NRXN3: variants seen among roughly 807,000 people sequenced by gnomAD.
NRXN3 encodes the protein neurexin III.
Under a neutral mutation model 137.6 loss-of-function variants are expected in NRXN3, and 32 were observed. That is an observed-to-expected ratio of 0.23 (90% CI 0.18 to 0.31). The LOEUF is 0.31. NRXN3 is among the 10% of genes least tolerant of loss of function. The pLI is 1.00. For missense variants in NRXN3, 1,574 were observed against 2,062.5 expected (o/e 0.76, Z 4.59); for synonymous variants, 798 against 784.5 (o/e 1.02, Z -0.29).
intron 2 of NRXN3, among the ~76,000 whole-genome samples, chr14:78,252,778 A>G (rs1323863314): frequency 6.6e-6 from 1 of 152,208 alleles, no homozygotes; most frequent in Admixed American, 6.5e-5. Flanking sequence ...TGGAGAATAG[A>G]AAAAGTACAG....
At chr14:78,748,043 G>A (rs953094791) in intron 8 of NRXN3, among the ~76,000 whole-genome samples, 10 of 152,194 alleles carry the variant, frequency 6.6e-5, no homozygotes, top group African/African-American at 2.4e-4. Flanking sequence ...AGATACACAT[G>A]AGGGGTATTA....
At chr14:79,500,754 G>A (rs756658988) in intron 16 of NRXN3, among the ~76,000 whole-genome samples, 1 of 152,148 alleles carries the variant, frequency 6.6e-6, no homozygotes, top group Non-Finnish European at 1.5e-5. Flanking sequence ...TCAATCAGAT[G>A]CAGTCAAATG....
intron 15 of NRXN3, among the ~76,000 whole-genome samples, chr14:79,003,830 C>A (rs892278730): frequency 1.3e-5 from 2 of 152,066 alleles, no homozygotes; most frequent in Admixed American, 1.3e-4. Context: ...TTAGGGGATT[C>A]GACCAAAACC....
intron 15 of NRXN3, among the ~76,000 whole-genome samples, chr14:79,326,610 C>T (rs913705931): frequency 2.6e-5 from 4 of 152,140 alleles, no homozygotes; most frequent in Admixed American, 2.6e-4. Context: ...TATTGTGGGA[C>T]TCTGACCTTG....
chr14:78,261,847 T>C (rs2070778591), intron 2 of NRXN3, among the ~76,000 whole-genome samples: 1 of 152,168 alleles, frequency 6.6e-6, no homozygotes, highest in African/African-American at 2.4e-5. Flanking sequence ...GAAAAAAGAT[T>C]TTGGCTAAGG....
At chr14:79,470,951 AGTGT>A (rs371413883) in intron 16 of NRXN3, among the ~76,000 whole-genome samples, 24,711 of 115,486 alleles carry the variant, frequency 0.21, 2,262 homozygotes, top group East Asian at 0.31. Flanking sequence ...AGAGAGAGAG[AGTGT>A]GTGTGTGTGT....
At chr14:79,833,192 T>C (rs1180513068) in intron 20 of NRXN3, among the ~76,000 whole-genome samples, 1 of 152,182 alleles carries the variant, frequency 6.6e-6, no homozygotes, top group Non-Finnish European at 1.5e-5. Context: ...GGGTTCATTT[T>C]ACTGGTGCTG....
chr14:79,161,786 C>A (rs911454034), intron 15 of NRXN3, among the ~76,000 whole-genome samples: 1 of 151,894 alleles, frequency 6.6e-6, no homozygotes. Flanking sequence ...TGTCCGTCGT[C>A]CTGAACGGGT....
At chr14:78,218,073 A>G (rs2063475146) in intron 1 of NRXN3, among the ~76,000 whole-genome samples, 1 of 152,204 alleles carries the variant, frequency 6.6e-6, no homozygotes, top group Non-Finnish European at 1.5e-5. Flanking sequence ...ATGTATGTGT[A>G]TATAATATAC....
intron 4 of NRXN3, among the ~76,000 whole-genome samples, chr14:78,435,578 CT>C (rs2094036669): frequency 6.6e-6 from 1 of 152,168 alleles, no homozygotes; most frequent in Admixed American, 6.5e-5. Flanking sequence ...AATAAATGTT[CT>C]GTGAAAACAA....
At chr14:78,695,868 T>C (rs1273674571) in intron 6 of NRXN3, 1 of 152,020 alleles carries the variant, frequency 6.6e-6, no homozygotes, top group Non-Finnish European at 1.5e-5. Context: ...CCATGCAAGG[T>C]TAGAGCAGGG....
At chr14:79,591,529 A>G (rs1300191053) in intron 16 of NRXN3, among the ~76,000 whole-genome samples, 1 of 152,238 alleles carries the variant, frequency 6.6e-6, no homozygotes, top group African/African-American at 2.4e-5. Context: ...GAAAAAGTCA[A>G]AAAGAAAACT....
At chr14:78,574,348 T>C (rs1387361222) in intron 4 of NRXN3, among the ~76,000 whole-genome samples, 3 of 152,168 alleles carry the variant, frequency 2.0e-5, no homozygotes, top group African/African-American at 7.2e-5. Flanking sequence ...TTCAGAATGG[T>C]AGATTCTCTA....
chr14:79,846,694 T>C (rs1426585953), intron 20 of NRXN3, among the ~76,000 whole-genome samples: 1 of 152,220 alleles, frequency 6.6e-6, no homozygotes, highest in East Asian at 1.9e-4. Context: ...TACTGTACCC[T>C]ACGCAGATTT....
intron 6 of NRXN3, among the ~76,000 whole-genome samples, chr14:78,672,439 C>A (rs766862592): frequency 3.3e-5 from 5 of 152,238 alleles, no homozygotes; most frequent in Admixed American, 3.3e-4. Context: ...GAATTGATTA[C>A]TTCTGGTCAT....
intron 20 of NRXN3, among the ~76,000 whole-genome samples, chr14:79,811,199 T>C (rs1238743708): frequency 6.6e-6 from 1 of 152,230 alleles, no homozygotes; most frequent in African/African-American, 2.4e-5. Context: ...GGTCTGTAAA[T>C]GCTATAAATT....
intron 15 of NRXN3, among the ~76,000 whole-genome samples, chr14:79,445,619 C>T (rs1363037604): frequency 6.6e-6 from 1 of 152,120 alleles, no homozygotes; most frequent in African/African-American, 2.4e-5. Context: ...CAGGAGATCA[C>T]CCTTGGCTTG....
At chr14:78,964,678 G>A (rs771967305) in intron 11 of NRXN3, among the ~76,000 whole-genome samples, 20 of 152,062 alleles carry the variant, frequency 1.3e-4, no homozygotes, top group Non-Finnish European at 2.4e-4. Context: ...AACATGGTTT[G>A]TTATGTTTTA....
At chr14:79,831,111 G>A (rs912265405) in intron 20 of NRXN3, among the ~76,000 whole-genome samples, 4 of 152,106 alleles carry the variant, frequency 2.6e-5, no homozygotes, top group African/African-American at 9.7e-5. Flanking sequence ...AAAAATGAAG[G>A]AAATATCTAG....
Sources: allele counts gnomAD v4.1 joint callset (sites outside exome capture counted in the v4.1 genomes callset), GRCh38; gene constraint gnomAD v4.1.1; transcripts MANE v1.5; gene names NCBI Gene and HGNC (gene_info 2026-07-23, HGNC 2026-07-21).